The following FARP1 variants were observed in gnomAD, a reference collection of about 807,000 sequenced individuals.
The protein encoded by FARP1 is FERM, ARH/RhoGEF and pleckstrin domain protein 1, also known as FERM, ARHGEF and pleckstrin domain-containing protein 1.
FARP1 carries 52 observed loss-of-function variants against 128.8 expected under a neutral mutation model. That is an observed-to-expected ratio of 0.40 (90% CI 0.32 to 0.51). FARP1 has a LOEUF of 0.51. FARP1 is among the 20% of genes least tolerant of loss of function. FARP1 has a pLI of 0.45. For missense variants in FARP1, 1,333 were observed against 1,367.9 expected, an observed-to-expected ratio of 0.97 and a Z score of 0.40; for synonymous variants, 580 against 551.8, an observed-to-expected ratio of 1.05 and a Z score of -0.72.
chr13:98,326,889 G>T (rs1353702574), intron 2 of FARP1, among the ~76,000 whole-genome samples: 2 of 152,200 alleles, frequency 1.3e-5, no homozygotes, highest in Admixed American at 6.5e-5. Context: ...ATTTTTGACA[G>T]ATGACAGATC....
At chr13:98,299,185 A>C (rs1411217915) in intron 2 of FARP1, among the ~76,000 whole-genome samples, 2 of 152,260 alleles carry the variant, frequency 1.3e-5, no homozygotes, top group Non-Finnish European at 2.9e-5. Flanking sequence ...CAGCAACTAA[A>C]AAAAGCCACA....
At chr13:98,146,557 T>C (rs533752613) in intron 1 of FARP1, among the ~76,000 whole-genome samples, 3 of 152,348 alleles carry the variant, frequency 2.0e-5, no homozygotes, top group East Asian at 3.9e-4. Context: ...CATGGTGGAC[T>C]GGACATTTTA....
At position 98,448,246 on chromosome 13, in the gene FARP1, G is replaced by C; in HGVS notation, c.3067G>C (p.Val1023Leu). 6.2e-7 allele frequency: 1 copy of C among 1,613,966 alleles called. No individual in the cohort carries two copies. The highest frequency in any genetic ancestry group is 1.1e-5 in the South Asian group (1 of 91,070). Residue 1023 changes from valine (V) to leucine (L), a missense_variant, in exon 27 of 27, where the codon GTG becomes CTG. Physicochemically the swap from Val to Leu is conservative, Grantham distance 32 (BLOSUM62 1). This residue lies in a region of FARP1 where 1,009 missense variants were observed against 969.8 expected (regional missense o/e 1.04). Transcript: ENST00000319562. ...GTTCCCGTGTTGCAGGTGGATGGAA[G>C]TGATCCGCAGTGCCACCAGCTCTGC... ...SEYTFERWME[V>L]IRSATSSASR...
At chr13:98,202,265 T>A (rs1353634230) in intron 1 of FARP1, among the ~76,000 whole-genome samples, 2 of 152,164 alleles carry the variant, frequency 1.3e-5, no homozygotes, top group African/African-American at 4.8e-5. Context: ...ACGGAGCTGT[T>A]GGAGATTGAT....
chr13:98,245,238 T>A (rs1357154027), intron 2 of FARP1: 1 of 985,290 alleles, frequency 1.0e-6, no homozygotes, highest in Non-Finnish European at 1.2e-6. Context: ...GTAACTTTTT[T>A]ATTCAAAGAA....
At chr13:98,240,692 A>G (rs1312506926) in intron 2 of FARP1, among the ~76,000 whole-genome samples, 1 of 152,220 alleles carries the variant, frequency 6.6e-6, no homozygotes, top group Non-Finnish European at 1.5e-5. Flanking sequence ...ACTGGTCGGG[A>G]GAGGATGAGA....
chr13:98,337,014 G>C (rs1887772327), intron 2 of FARP1, among the ~76,000 whole-genome samples: 1 of 152,150 alleles, frequency 6.6e-6, no homozygotes, highest in African/African-American at 2.4e-5. Flanking sequence ...TCTTAGAGCT[G>C]ATGGGAGCCT....
rs1296229872 is a variant in FARP1 at position 98,390,819 on chromosome 13, A to C, written c.1027A>C (p.Thr343Pro). ...TTGTGGTCTCTGTTTCAGTGGTCGG[A>C]CTCAGAAGCAGGTTCTCGACTATGT... Reference protein sequence around the residue: ...RGSSFRFSGRTQKQVLDYVKE... With the variant: ...RGSSFRFSGRPQKQVLDYVKE... Residue 343 changes from threonine (T) to proline (P), a missense_variant, in exon 11 of 27, where the codon ACT (threonine) becomes CCT (proline). Physicochemically the swap from Thr to Pro is conservative, Grantham distance 38. This residue lies in a region of FARP1 where 1,009 missense variants were observed against 969.8 expected (regional missense o/e 1.04). Transcript: ENST00000319562. 6.2e-7 allele frequency: 1 copy of C among 1,613,144 alleles called. No individual in the cohort carries two copies. Among genetic ancestry groups the C allele is most frequent in the Non-Finnish European group, 8.5e-7 (1 of 1,179,252 alleles).
At chr13:98,378,307 T>C (rs562510458) in intron 6 of FARP1, among the ~76,000 whole-genome samples, 1 of 152,352 alleles carries the variant, frequency 6.6e-6, no homozygotes, top group African/African-American at 2.4e-5. Context: ...TGCCACCGAT[T>C]TCACTTCTCT....
intron 1 of FARP1, among the ~76,000 whole-genome samples, chr13:98,163,021 T>G (rs1035669918): frequency 5.3e-5 from 8 of 152,138 alleles, no homozygotes; most frequent in African/African-American, 1.9e-4. Flanking sequence ...CATAGGCACG[T>G]GAATGTTCAT....
intron 13 of FARP1, chr13:98,396,599 T>C: frequency 2.5e-6 from 1 of 398,226 alleles, no homozygotes; most frequent in Non-Finnish European, 4.4e-6. Context: ...CTACATTTGT[T>C]AGAGGAGATT....
intron 4 of FARP1, among the ~76,000 whole-genome samples, 181 bp from the exon 5 acceptor site, chr13:98,367,936 A>C (rs987638838): frequency 1.3e-5 from 2 of 152,216 alleles, no homozygotes; most frequent in Admixed American, 1.3e-4. Context: ...CTTTCCCCAC[A>C]ATATGGAAGT....
At chr13:98,440,600 C>T in intron 23 of FARP1, 70 bp from the exon 24 acceptor site, 1 of 1,512,922 alleles carries the variant, frequency 6.6e-7, no homozygotes, top group Admixed American at 2.0e-5. Context: ...CCTTCCAGCA[C>T]CTCAGAGTGT....
intron 1 of FARP1, among the ~76,000 whole-genome samples, chr13:98,203,163 C>G (rs1880058347): frequency 6.6e-6 from 1 of 152,240 alleles, no homozygotes; most frequent in South Asian, 2.1e-4. Context: ...AGCTCTCCTT[C>G]CAGTTACCTC....
chr13:98,159,084 C>G (rs1307808699), intron 1 of FARP1, among the ~76,000 whole-genome samples: 1 of 152,188 alleles, frequency 6.6e-6, no homozygotes, highest in Non-Finnish European at 1.5e-5. Flanking sequence ...TTGCTTGAGT[C>G]TAGTGTGTGA....
intron 2 of FARP1, among the ~76,000 whole-genome samples, chr13:98,313,786 GATC>G (rs1886596577): frequency 1.3e-5 from 2 of 152,198 alleles, no homozygotes; most frequent in African/African-American, 4.8e-5. Flanking sequence ...ACTGGGAAGG[GATC>G]ATAGGGAAGG....
chr13:98,447,029 C>T lies in FARP1; in HGVS notation c.3056+212C>T, dbSNP rs752499775. 1.2e-4 allele frequency: 65 copies of T among 546,436 alleles called. 1 individual carries two copies. Among genetic ancestry groups the T allele is most frequent in the South Asian group, 1.2e-3 (54 of 45,934 alleles). The allele number at this position is 546,436 out of a possible 1,614,324, so 33.8% of individuals were successfully genotyped here. A position where few individuals can be genotyped will look rare whatever the true frequency, so the allele number is the denominator to read the frequency against. On this transcript the variant is annotated intron_variant, in intron 26 of 26. Transcript: ENST00000319562. ...AACTTCCCTGCGCCCTTACCCTGCA[C>T]GGTGTTGGCTGAGGCCCTAGACATC...
chr13:98,143,927 C>T (rs1483314829), intron 1 of FARP1, among the ~76,000 whole-genome samples: 11 of 151,932 alleles, frequency 7.2e-5, no homozygotes. Context: ...GAGGTGGCCG[C>T]TGGCGCGGAT....
intron 2 of FARP1, among the ~76,000 whole-genome samples, chr13:98,214,563 A>T (rs1369598533): frequency 6.6e-6 from 1 of 152,184 alleles, no homozygotes; most frequent in Non-Finnish European, 1.5e-5. Flanking sequence ...CCATCATTTA[A>T]TCACTTATGG....
Sources: allele counts gnomAD v4.1 joint callset (sites outside exome capture counted in the v4.1 genomes callset), GRCh38; gene constraint gnomAD v4.1.1; regional missense constraint gnomAD v4.1.1; transcripts MANE v1.5; gene names NCBI Gene and HGNC (gene_info 2026-07-23, HGNC 2026-07-21).